EML6: variants seen among roughly 807,000 people sequenced by gnomAD.
EML6 encodes echinoderm microtubule-associated protein-like 6.
EML6 carries 154 observed loss-of-function variants against 240.1 expected under a neutral mutation model. The observed-to-expected ratio is 0.64, with a 90% CI of 0.56 to 0.73. The LOEUF (loss-of-function observed/expected upper bound fraction) is 0.73. Ranked by LOEUF, EML6 falls within the 30% of genes least tolerant of loss-of-function variation. The pLI, the probability that EML6 is intolerant of heterozygous loss-of-function variation, is 0.00. For missense variants in EML6, 2,964 were observed against 2,474.6 expected (o/e 1.20, Z -4.20); for synonymous variants, 1,148 against 899.0 (o/e 1.28, Z -4.95).
chr2:54,948,221 C>T (rs1455410205), intron 28 of EML6, among the ~76,000 whole-genome samples: 3 of 152,196 alleles, frequency 2.0e-5, no homozygotes, highest in African/African-American at 7.2e-5. Context: ...GGCCCCAGAC[C>T]CCAAAACGGA....
chr2:54,756,694 A>C (rs1667747065), intron 2 of EML6, among the ~76,000 whole-genome samples: 1 of 151,700 alleles, frequency 6.6e-6, no homozygotes, highest in Non-Finnish European at 1.5e-5. Flanking sequence ...AAAAGGTAGG[A>C]TTTCTAATTT....
intron 2 of EML6, among the ~76,000 whole-genome samples, chr2:54,751,055 C>T (rs1339981024): frequency 1.3e-5 from 2 of 152,140 alleles, no homozygotes; most frequent in Non-Finnish European, 2.9e-5. Context: ...TTGAGCTTGA[C>T]GCATCATTCA....
At chr2:54,932,502 C>T (rs1464786056) in intron 28 of EML6, among the ~76,000 whole-genome samples, 1 of 152,166 alleles carries the variant, frequency 6.6e-6, no homozygotes, top group Non-Finnish European at 1.5e-5. Context: ...AAGTGCCACG[C>T]CCCAACCTGA....
chr2:54,970,288 G>C lies in EML6; in HGVS notation c.*193G>C. On this transcript the variant is annotated 3_prime_UTR_variant, in exon 42 of 42. Coordinates refer to ENST00000356458, the MANE Select transcript of EML6 (RefSeq NM_001039753.4). ...GGACTCTCCAAAACCGTGATGCCACGAAGGAAGGTCAAGTTTTAAAATGTT... is the reference window on the plus strand; with the variant it reads ...GGACTCTCCAAAACCGTGATGCCACCAAGGAAGGTCAAGTTTTAAAATGTT... The C allele has an allele frequency of 1.6e-6, 1 of 619,390 alleles. No individual in the cohort carries two copies. Among genetic ancestry groups the C allele is most frequent in the Non-Finnish European group, 2.9e-6 (1 of 349,020 alleles). 38.4% of individuals were successfully genotyped at this position (619,390 alleles called of 1,614,324 possible). A position where few individuals can be genotyped will look rare whatever the true frequency, so the allele number is the denominator to read the frequency against.
intron 7 of EML6, among the ~76,000 whole-genome samples, chr2:54,830,415 A>G (rs978235696): frequency 6.6e-6 from 1 of 152,080 alleles, no homozygotes; most frequent in Non-Finnish European, 1.5e-5. Flanking sequence ...TGTGAAGGGG[A>G]ATCTTTTTCA....
intron 28 of EML6, among the ~76,000 whole-genome samples, chr2:54,944,025 C>G (rs929438940): frequency 2.0e-5 from 3 of 152,158 alleles, no homozygotes; most frequent in East Asian, 1.9e-4. Flanking sequence ...TTCTCAGTGT[C>G]TCACCTCTGC....
intron 28 of EML6, among the ~76,000 whole-genome samples, chr2:54,945,330 G>A (rs1247326900): frequency 7.5e-6 from 1 of 132,786 alleles, no homozygotes; most frequent in African/African-American, 2.8e-5. Context: ...GATTTCCCAA[G>A]ACATTCTAAA....
chr2:54,908,261 G>A (rs1220558840), intron 24 of EML6, among the ~76,000 whole-genome samples: 3 of 149,592 alleles, frequency 2.0e-5, no homozygotes, highest in African/African-American at 7.4e-5. Context: ...CCAGGTTGGA[G>A]TGCTGTGGTG....
At chr2:54,766,097 T>C (rs1238374576) in intron 2 of EML6, among the ~76,000 whole-genome samples, 1 of 152,218 alleles carries the variant, frequency 6.6e-6, no homozygotes, top group Non-Finnish European at 1.5e-5. Context: ...TGTAGATACA[T>C]ATTTTTTTCT....
Position 54,744,747 on chromosome 2 carries a change from C to G in EML6, c.197+19489C>G, listed in dbSNP as rs1683822770. On this transcript the variant is annotated intron_variant, in intron 2 of 41. Transcript: ENST00000356458. ...GGTTCTGGGGTGGGAGGATGGGGGCCTATTTCAGACATGCTGAGTTTGAGG... is the reference window on the plus strand; with the variant it reads ...GGTTCTGGGGTGGGAGGATGGGGGCGTATTTCAGACATGCTGAGTTTGAGG... Among the ~76,000 whole-genome samples, 3 of 151,790 alleles carry G rather than the reference C, an allele frequency of 2.0e-5. No homozygotes were observed. In the South Asian group the frequency reaches 6.2e-4, roughly 32 times the overall value.
intron 18 of EML6, among the ~76,000 whole-genome samples, chr2:54,892,125 T>A (rs1297502004): frequency 1.3e-5 from 2 of 152,306 alleles, no homozygotes; most frequent in East Asian, 3.9e-4. Context: ...GAGCCTCAGT[T>A]AGACGCATGT....
At chr2:54,941,329 C>G (rs1675416971) in intron 28 of EML6, among the ~76,000 whole-genome samples, 1 of 152,012 alleles carries the variant, frequency 6.6e-6, no homozygotes, top group East Asian at 1.9e-4. Context: ...TTTTAAACGC[C>G]TTATTTAATC....
intron 16 of EML6, among the ~76,000 whole-genome samples, chr2:54,876,149 A>ACATAAG (rs1671496336): frequency 2.0e-5 from 3 of 152,196 alleles, no homozygotes; most frequent in African/African-American, 7.2e-5. Flanking sequence ...TACCTAAGAG[A>ACATAAG]CTAAAAACAT....
At chr2:54,894,837 C>T (rs561241592) in intron 19 of EML6, 78 bp from the exon 20 acceptor site, 69 of 876,832 alleles carry the variant, frequency 7.9e-5, no homozygotes, top group African/African-American at 6.0e-4. Context: ...TCCTTACCTG[C>T]GGGGAATCCT....
At chr2:54,776,146 G>C (rs1198721510) in intron 2 of EML6, among the ~76,000 whole-genome samples, 1 of 151,974 alleles carries the variant, frequency 6.6e-6, no homozygotes, top group Non-Finnish European at 1.5e-5. Flanking sequence ...GTTGTGTTTT[G>C]TTTTGCCTTA....
chr2:54,781,993 A>G (rs1260505287), intron 2 of EML6, among the ~76,000 whole-genome samples: 1 of 152,156 alleles, frequency 6.6e-6, no homozygotes, highest in Non-Finnish European at 1.5e-5. Context: ...TTAAATTTCA[A>G]ATTGTTAATA....
At chr2:54,796,442 A>G (rs1669777381) in intron 2 of EML6, among the ~76,000 whole-genome samples, 1 of 151,352 alleles carries the variant, frequency 6.6e-6, no homozygotes, top group Admixed American at 6.6e-5. Flanking sequence ...TAACCTGTGC[A>G]TTTTTTTTGA....
At chr2:54,771,187 A>G (rs1488440768) in intron 2 of EML6, among the ~76,000 whole-genome samples, 2 of 152,168 alleles carry the variant, frequency 1.3e-5, no homozygotes, top group Non-Finnish European at 2.9e-5. Flanking sequence ...TTTTGGAGTT[A>G]TAATTACAGT....
intron 33 of EML6, among the ~76,000 whole-genome samples, chr2:54,958,223 G>A (rs1676326087): frequency 6.6e-6 from 1 of 152,078 alleles, no homozygotes; most frequent in Non-Finnish European, 1.5e-5. Context: ...ACAGAGTCTT[G>A]CTCTGTCACC....
Sources: gnomAD v4.1 joint callset for allele counts (sites outside exome capture counted in the v4.1 genomes callset) on GRCh38, gnomAD v4.1.1 for gene constraint, MANE v1.5 for transcripts, NCBI Gene and HGNC (gene_info 2026-07-23, HGNC 2026-07-21) for gene names.